RBL2: variants seen among roughly 807,000 people sequenced by gnomAD.
The protein encoded by RBL2 is retinoblastoma-like protein 2.
A neutral mutation model predicts 126.0 loss-of-function variants in RBL2; 56 were observed. The ratio of observed to expected loss-of-function variants is 0.44; its 90% CI spans 0.36 to 0.56. The LOEUF is 0.56. Among genes scored for constraint, RBL2 ranks in the 20% least tolerant of loss-of-function variants. The pLI, the probability that RBL2 is intolerant of heterozygous loss-of-function variation, is 0.00. For synonymous variants in RBL2, 454 were observed against 478.5 expected (o/e 0.95, Z 0.67); for missense variants, 1,229 against 1,398.2 (o/e 0.88, Z 1.93).
intron 5 of RBL2, among the ~76,000 whole-genome samples, chr16:53,452,496 T>C (rs975891931): frequency 6.6e-6 from 1 of 152,166 alleles, no homozygotes; most frequent in Non-Finnish European, 1.5e-5. Flanking sequence ...AATTTCAGCT[T>C]GTCTATCAAG....
At chr16:53,471,379 T>TA (rs2058321678) in intron 17 of RBL2, among the ~76,000 whole-genome samples, 2 of 152,372 alleles carry the variant, frequency 1.3e-5, no homozygotes, top group South Asian at 4.1e-4. Context: ...ATAAAGATTT[T>TA]AGTTTCTCCA....
intron 20 of RBL2, 76 bp downstream of exon 20, chr16:53,480,845 C>G (rs1960917105): frequency 7.1e-7 from 1 of 1,414,786 alleles, no homozygotes; most frequent in Non-Finnish European, 9.8e-7. Flanking sequence ...TATATATGGA[C>G]CATTCACCTG....
chr16:53,479,994 A>AAGT lies in RBL2; in HGVS notation c.2881+4_2881+6dup. 6.4e-7 allele frequency: 1 copy of AAGT among 1,573,412 alleles called. No individual in the cohort carries two copies. Among genetic ancestry groups the AAGT allele is most frequent in the South Asian group, 1.1e-5 (1 of 87,140 alleles). ...AACAGAACTAAACAAAGATAGAAGT[A>AAGT]AGTGGGATCTTTGTGAACTACAAGA... On this transcript the variant is annotated splice_donor_region_variant and intron_variant, in intron 19 of 21. Transcript: ENST00000262133.
intron 11 of RBL2, 108 bp from the exon 12 acceptor site, chr16:53,464,118 C>T (rs1176681620): frequency 8.0e-5 from 72 of 899,558 alleles, no homozygotes; most frequent in Non-Finnish European, 4.7e-6. Flanking sequence ...ACTTTGCACT[C>T]ACTCAGAAAA....
chr16:53,466,970 G>A, intron 13 of RBL2, 88 bp from the exon 14 acceptor site: 1 of 841,580 alleles, frequency 1.2e-6, no homozygotes, highest in South Asian at 1.7e-5. Flanking sequence ...TAATTGTTAA[G>A]ATACTTTTTC....
At position 53,490,181 on chromosome 16, in the gene RBL2, AAG is replaced by A. The variant is rs749728758; in HGVS notation, c.3306_3307del (p.Gly1103AsnfsTer8). The A allele has an allele frequency of 6.2e-7, 1 of 1,612,428 alleles. No individual in the cohort carries two copies. ...ACGCACAGGAGAAACTCCTACTAAAAAGAGAGGAATTCTTTTGGAAGATGGAA... is the reference window on the plus strand; with the variant it reads ...ACGCACAGGAGAAACTCCTACTAAAAAGAGGAATTCTTTTGGAAGATGGAA... The part of the protein sequence containing the change: ...MIRTGETPTK[K>X]RGILLEDGSE... On this transcript the variant is annotated frameshift_variant, in exon 22 of 22. Transcript: ENST00000262133. LOFTEE classifies it high-confidence loss of function.
intron 3 of RBL2, among the ~76,000 whole-genome samples, chr16:53,446,554 T>C (rs2058063825): frequency 6.6e-6 from 1 of 152,116 alleles, no homozygotes; most frequent in Non-Finnish European, 1.5e-5. Flanking sequence ...GTACTCTTAA[T>C]GGATGGAAGT....
chr16:53,478,516 C>T (rs1025813878), intron 17 of RBL2, among the ~76,000 whole-genome samples: 25 of 148,534 alleles, frequency 1.7e-4, no homozygotes, highest in Non-Finnish European at 3.6e-4. Context: ...CCTCAGATCA[C>T]ACAATCTCTT....
intron 8 of RBL2, among the ~76,000 whole-genome samples, chr16:53,457,258 C>CCTTTTT (rs1555566426): frequency 0.012 from 1,095 of 89,832 alleles, 156 homozygotes; most frequent in African/African-American, 0.049. Flanking sequence ...GTACAGATAG[C>CCTTTTT]TTTTTTTTTT....
At chr16:53,438,197 A>C (rs1315128569) in intron 1 of RBL2, among the ~76,000 whole-genome samples, 1 of 152,056 alleles carries the variant, frequency 6.6e-6, no homozygotes, top group Non-Finnish European at 1.5e-5. Context: ...TCTGCGTCAA[A>C]ATGACTGGTA....
intron 21 of RBL2, among the ~76,000 whole-genome samples, chr16:53,485,594 C>A (rs143369788): frequency 2.2e-4 from 34 of 152,178 alleles, no homozygotes; most frequent in African/African-American, 8.2e-4. Flanking sequence ...GTGTCTCATG[C>A]CTGTAATCTC....
chr16:53,481,799 A>G lies in RBL2; in HGVS notation c.3213A>G (p.Glu1071=). 1.3e-6 allele frequency: 2 copies of G among 1,593,088 alleles called. No individual in the cohort carries two copies. Among genetic ancestry groups the G allele is most frequent in the East Asian group, 2.2e-5 (1 of 44,774 alleles). The change falls in exon 21 of 22, where the codon GAA becomes GAG. Residue 1071 remains glutamate (E), a synonymous_variant. Transcript: ENST00000262133. ...ATGAAACAATGCTTTCTCCTCGAGA[A>G]AAGATTTTCTATTACTTCAGCAACA... ...HKNETMLSPR[E]KIFYYFSNSP...
At chr16:53,460,272 TATG>T (rs773489692) in intron 9 of RBL2, among the ~76,000 whole-genome samples, 3 of 152,212 alleles carry the variant, frequency 2.0e-5, no homozygotes, top group Non-Finnish European at 4.4e-5. Context: ...AACCTTATGA[TATG>T]ATAACGTAGA....
At chr16:53,439,846 A>G (rs1401300977) in intron 2 of RBL2, among the ~76,000 whole-genome samples, 2 of 150,916 alleles carry the variant, frequency 1.3e-5, no homozygotes, top group African/African-American at 4.9e-5. Flanking sequence ...GGTTGTGCAT[A>G]CCTGCAGGCC....
At chr16:53,486,300 C>T (rs1055245262) in intron 21 of RBL2, among the ~76,000 whole-genome samples, 1 of 151,938 alleles carries the variant, frequency 6.6e-6, no homozygotes, top group African/African-American at 2.4e-5. Flanking sequence ...GACCCTGTTT[C>T]AAAACTTTAA....
At chr16:53,480,144 C>T (rs748524550) in intron 19 of RBL2, 153 bp downstream of exon 19, 15 of 595,748 alleles carry the variant, frequency 2.5e-5, no homozygotes, top group Middle Eastern at 9.1e-4. Context: ...GCTGGCAAAA[C>T]TGTCCATTAC....
At chr16:53,474,577 A>T (rs536829675) in intron 17 of RBL2, among the ~76,000 whole-genome samples, 1 of 152,242 alleles carries the variant, frequency 6.6e-6, no homozygotes, top group South Asian at 2.1e-4. Context: ...CGGCCTCCCA[A>T]AGTGCTGGGA....
Position 53,464,264 on chromosome 16 carries a change from G to A in RBL2, c.1599G>A (p.Leu533=). The change falls in exon 12 of 22, where the codon TTG becomes TTA. Residue 533 remains leucine (L), a synonymous_variant. Coordinates refer to ENST00000262133, the MANE Select transcript of RBL2 (RefSeq NM_005611.4). ...AAGATGCGTTCCACAGATCTCTCTT[G>A]GCCTGCTGCCTTGAGGTCGTCACTT... The part of the protein sequence containing the change: ...LEQDAFHRSL[L]ACCLEVVTFS... The A allele has an allele frequency of 6.2e-7, 1 of 1,604,310 alleles. No individual in the cohort carries two copies. The highest frequency in any genetic ancestry group is 8.5e-7 in the Non-Finnish European group (1 of 1,172,324).
chr16:53,439,854 G>A (rs1173351123), intron 2 of RBL2, among the ~76,000 whole-genome samples: 1 of 150,328 alleles, frequency 6.7e-6, no homozygotes, highest in Non-Finnish European at 1.5e-5. Context: ...ATACCTGCAG[G>A]CCTAGCTACT....
Sources: gnomAD v4.1 joint callset for allele counts (sites outside exome capture counted in the v4.1 genomes callset) on GRCh38, gnomAD v4.1.1 for gene constraint, MANE v1.5 for transcripts, NCBI Gene and HGNC (gene_info 2026-07-23, HGNC 2026-07-21) for gene names.